Variants in ARHGEF10 observed in about 807,000 individuals in gnomAD.
ARHGEF10 encodes the protein Rho guanine nucleotide exchange factor (GEF) 10.
A neutral mutation model predicts 147.4 loss-of-function variants in ARHGEF10; 140 were observed. The observed-to-expected ratio is 0.95, with a 90% CI of 0.83 to 1.09. The LOEUF (loss-of-function observed/expected upper bound fraction) is 1.09, where lower values mean the gene tolerates loss of function less well. Among genes scored for constraint, ARHGEF10 ranks in the 50% least tolerant of loss-of-function variants. ARHGEF10 has a pLI of 0.00. For missense variants in ARHGEF10, 2,222 were observed against 1,752.7 expected (o/e 1.27, Z -4.78); for synonymous variants, 902 against 695.8 (o/e 1.30, Z -4.67).
intron 11 of ARHGEF10, among the ~76,000 whole-genome samples, chr8:1,890,640 G>C (rs1455344386): frequency 2.0e-5 from 3 of 151,218 alleles, no homozygotes; most frequent in Non-Finnish European, 2.9e-5. Context: ...AGTGCAGTGA[G>C]GGTTGTGAGG....
At chr8:1,926,117 CCGGAT>C (rs1306563868) in intron 22 of ARHGEF10, among the ~76,000 whole-genome samples, 4 of 152,186 alleles carry the variant, frequency 2.6e-5, no homozygotes, top group Non-Finnish European at 4.4e-5. Context: ...CCCTGAGCTG[CCGGAT>C]TTCAGTGTGC....
At chr8:1,933,686 A>T in intron 25 of ARHGEF10, 114 bp from the exon 26 acceptor site, 1 of 1,346,926 alleles carries the variant, frequency 7.4e-7, no homozygotes, top group Non-Finnish European at 1.1e-6. Context: ...CACAAGCATT[A>T]ACATTACAGG....
At chr8:1,923,753 C>G in intron 20 of ARHGEF10, 21 bp from the exon 21 acceptor site, 1 of 1,613,958 alleles carries the variant, frequency 6.2e-7, no homozygotes, top group South Asian at 1.1e-5. Context: ...AAAATGAATG[C>G]TTGTCTGTTG....
At chr8:1,859,633 G>A (rs921822360) in intron 3 of ARHGEF10, among the ~76,000 whole-genome samples, 8 of 152,198 alleles carry the variant, frequency 5.3e-5, no homozygotes, top group African/African-American at 9.7e-5. Context: ...GCCCTCCTCC[G>A]GCAGCTTCTC....
chr8:1,935,822 G>C (rs1813548523), intron 26 of ARHGEF10, among the ~76,000 whole-genome samples: 1 of 152,224 alleles, frequency 6.6e-6, no homozygotes, highest in South Asian at 2.1e-4. Flanking sequence ...GGTGAGCTCA[G>C]GCAGCGGGAG....
intron 10 of ARHGEF10, 114 bp from the exon 11 acceptor site, chr8:1,885,487 T>C (rs1474013096): frequency 1.4e-6 from 1 of 729,436 alleles, no homozygotes; most frequent in Non-Finnish European, 2.4e-6. Flanking sequence ...CAAGTAAGCA[T>C]GGAAAATTGA....
In ARHGEF10 at chr8:1,867,560, C is replaced by G. The variant is rs145830148; in HGVS notation, c.622+958C>G. On this transcript the variant is annotated intron_variant, in intron 6 of 28. Coordinates refer to ENST00000349830, the MANE Select transcript of ARHGEF10 (RefSeq NM_014629.4). ...CGAGCGCATTTCCAACACGCGGCTC[C>G]AGCTTCCGTACAATTCAGAGTAAAC... Among the ~76,000 whole-genome samples, 4 of 152,322 alleles carry G rather than the reference C, an allele frequency of 2.6e-5. No homozygotes were observed. The East Asian group carries it at 7.7e-4, about 29-fold the overall frequency.
At chr8:1,887,069 T>A (rs1272233985) in intron 11 of ARHGEF10, among the ~76,000 whole-genome samples, 1 of 152,142 alleles carries the variant, frequency 6.6e-6, no homozygotes, top group Non-Finnish European at 1.5e-5. Flanking sequence ...AGGCGCTCAA[T>A]AGGATGACAC....
At chr8:1,905,932 G>C (rs968708679) in intron 17 of ARHGEF10, among the ~76,000 whole-genome samples, 1 of 152,180 alleles carries the variant, frequency 6.6e-6, no homozygotes, top group East Asian at 1.9e-4. Context: ...GAAGTACGTA[G>C]AGGTTTATAT....
At position 1,937,884 on chromosome 8, in the gene ARHGEF10, G is replaced by A. The variant is rs1416898633; in HGVS notation, c.3222+3942G>A. 6.6e-6 allele frequency among the ~76,000 whole-genome samples: 1 copy of A among 152,250 alleles called. No individual in the cohort carries two copies. Among genetic ancestry groups the A allele is most frequent in the African/African-American group, 2.4e-5 (1 of 41,480 alleles). ...AAGAAAAAGGCACCTGAGGCTCTGA[G>A]GCTTCGGTGTTCCTGGAGTGACTGT... On this transcript the variant is annotated intron_variant, in intron 26 of 28. Transcript: ENST00000349830. The surrounding 1 kb of genome is among the most constrained non-coding windows in gnomAD (Gnocchi z 4.9).
intron 13 of ARHGEF10, among the ~76,000 whole-genome samples, chr8:1,895,860 G>T (rs1361348915): frequency 6.6e-6 from 1 of 152,160 alleles, no homozygotes; most frequent in Admixed American, 6.5e-5. Context: ...AACACGTGTA[G>T]GGCATTGTAT....
At chr8:1,884,268 T>A (rs112346021) in intron 10 of ARHGEF10, among the ~76,000 whole-genome samples, 3 of 151,476 alleles carry the variant, frequency 2.0e-5, no homozygotes, top group Middle Eastern at 3.2e-3. Context: ...TGGTGGCGGG[T>A]GCCTGTAGTC....
chr8:1,828,402 C>G (rs559587514), intron 1 of ARHGEF10, among the ~76,000 whole-genome samples: 9 of 152,064 alleles, frequency 5.9e-5, no homozygotes, highest in Non-Finnish European at 4.4e-5. Context: ...GGCATGCACA[C>G]TTACTGTTTT....
intron 2 of ARHGEF10, among the ~76,000 whole-genome samples, chr8:1,845,592 C>T (rs1464948504): frequency 2.0e-5 from 3 of 152,232 alleles, no homozygotes; most frequent in Non-Finnish European, 4.4e-5. Flanking sequence ...TGCTGCCTTT[C>T]ACCCTGTTTT....
At chr8:1,888,313 A>AGGTAGGG in intron 11 of ARHGEF10, among the ~76,000 whole-genome samples, 1 of 91,976 alleles carries the variant, frequency 1.1e-5, no homozygotes, top group African/African-American at 4.6e-5. Context: ...TTGTGAGGAT[A>AGGTAGGG]TGCTGAGTGG....
At chr8:1,860,735 G>A (rs371210178) in intron 4 of ARHGEF10, among the ~76,000 whole-genome samples, 42 of 152,168 alleles carry the variant, frequency 2.8e-4, no homozygotes, top group African/African-American at 9.7e-4. Context: ...AGCTGCTCAC[G>A]GGAGTGTGTG....
In ARHGEF10 at chr8:1,866,560, G is replaced by T; in HGVS notation, c.580G>T (p.Ala194Ser). 6.2e-7 allele frequency: 1 copy of T among 1,609,198 alleles called. No individual in the cohort carries two copies. The highest frequency in any genetic ancestry group is 8.5e-7 in the Non-Finnish European group (1 of 1,180,010). Residue 194 changes from alanine to serine, a missense_variant, in exon 6 of 29, where the codon GCC becomes TCC. By Grantham distance (99) the Ala-to-Ser change is moderately conservative. Coordinates refer to ENST00000349830, the MANE Select transcript of ARHGEF10 (RefSeq NM_014629.4). ...DQVGREDSAL[A>S]RWAADPANTA... ...AGTCGGTCGAGAGGACAGCGCACTT[G>T]CCCGCTGGGCCGCAGACCCGGCCAA...
At chr8:1,823,853 G>A (rs1802560033), upstream of ARHGEF10, 1 of 151,846 alleles carries the variant, frequency 6.6e-6, no homozygotes, top group South Asian at 2.1e-4. Flanking sequence ...CAGGCTCTGC[G>A]GCCAATGGGC....
chr8:1,835,823 A>G (rs1803545735), intron 1 of ARHGEF10, among the ~76,000 whole-genome samples: 1 of 152,172 alleles, frequency 6.6e-6, no homozygotes, highest in Admixed American at 6.5e-5. Context: ...ACGGCATGAA[A>G]CGGTCCTTCA....
Sources: allele counts gnomAD v4.1 joint callset (sites outside exome capture counted in the v4.1 genomes callset), GRCh38; gene constraint gnomAD v4.1.1; non-coding constraint Gnocchi (gnomAD v3.1); transcripts MANE v1.5; gene names NCBI Gene and HGNC (gene_info 2026-07-23, HGNC 2026-07-21).